Variants in AGAP1 observed in about 807,000 individuals in gnomAD.
AGAP1 encodes the protein ArfGAP with GTPase domain, ankyrin repeat and PH domain 1, also known as arf-GAP with GTPase, ANK repeat and PH domain-containing protein 1.
AGAP1 carries 29 observed loss-of-function variants against 105.3 expected under a neutral mutation model. The ratio of observed to expected loss-of-function variants is 0.28; its 90% CI spans 0.21 to 0.38. The LOEUF is 0.38. Among genes scored for constraint, AGAP1 ranks in the 10% least tolerant of loss-of-function variants. The probability of loss-of-function intolerance (pLI) is 1.00; values close to 1 mark genes in which losing one functional copy is unlikely to be tolerated. For missense variants in AGAP1, 998 were observed against 1,165.1 expected (o/e 0.86, Z 2.09); for synonymous variants, 509 against 485.9 (o/e 1.05, Z -0.63).
chr2:235,935,561 T>C (rs2052948616), intron 12 of AGAP1, among the ~76,000 whole-genome samples: 1 of 152,202 alleles, frequency 6.6e-6, no homozygotes, highest in South Asian at 2.1e-4. Flanking sequence ...CAGATCCTGT[T>C]GTGGTTTAAA....
At chr2:235,785,403 A>G (rs1384087178) in intron 6 of AGAP1, among the ~76,000 whole-genome samples, 1 of 152,206 alleles carries the variant, frequency 6.6e-6, no homozygotes, top group Non-Finnish European at 1.5e-5. Context: ...AAAGAAAACC[A>G]ATTATTGCAC....
chr2:235,696,880 A>G (rs1950024843), intron 1 of AGAP1, among the ~76,000 whole-genome samples: 1 of 152,024 alleles, frequency 6.6e-6, no homozygotes, highest in South Asian at 2.1e-4. Flanking sequence ...GCTACTCGGG[A>G]GGCTGAGGCT....
rs1182600034 is a variant in AGAP1 at position 236,083,101 on chromosome 2, G to C, written c.2114+33820G>C. 1.3e-5 allele frequency among the ~76,000 whole-genome samples: 2 copies of C among 152,096 alleles called. No individual in the cohort carries two copies. Among genetic ancestry groups the C allele is most frequent in the Non-Finnish European group, 2.9e-5 (2 of 68,034 alleles). On this transcript the variant is annotated intron_variant, in intron 16 of 17. Coordinates refer to ENST00000304032, the MANE Select transcript of AGAP1 (RefSeq NM_001037131.3). The surrounding 1 kb of genome is among the most constrained non-coding windows in gnomAD (Gnocchi z 5.3). The stretch of plus-strand genomic sequence containing the variant: ...ACCTGGGAGGCATAGGTTGCAGTGA[G>C]CCGAGATCACGCCATTGCACTCCAG...
chr2:235,851,310 A>C (rs1163082001), intron 9 of AGAP1, among the ~76,000 whole-genome samples: 1 of 152,144 alleles, frequency 6.6e-6, no homozygotes, highest in Non-Finnish European at 1.5e-5. Flanking sequence ...GCTCCACTAC[A>C]GACATGGGGT....
At chr2:235,589,542 T>C (rs1945260880) in intron 1 of AGAP1, among the ~76,000 whole-genome samples, 1 of 152,054 alleles carries the variant, frequency 6.6e-6, no homozygotes, top group South Asian at 2.1e-4. Flanking sequence ...GAATTTCCCA[T>C]CCAACCGAAC....
At chr2:235,597,076 C>G (rs974307400) in intron 1 of AGAP1, among the ~76,000 whole-genome samples, 5 of 152,146 alleles carry the variant, frequency 3.3e-5, no homozygotes, top group African/African-American at 4.8e-5. Context: ...CAGCCCCAGC[C>G]GACTCATCAC....
rs138989237 is a variant in AGAP1, at chr2:236,106,650, G to A, written c.2115-13542G>A. Among the ~76,000 whole-genome samples the A allele has an allele frequency of 1.6e-3, 247 of 152,328 alleles. 2 individuals carry two copies. The highest frequency in any genetic ancestry group is 5.8e-3 in the African/African-American group (241 of 41,574). ...TCCCATGAATGCATTTGGAGAAGGT[G>A]GCTGGAGTCACGCACAGCCAGCTGG... On this transcript the variant is annotated intron_variant, in intron 16 of 17. Transcript: ENST00000304032.
intron 6 of AGAP1, among the ~76,000 whole-genome samples, chr2:235,763,035 G>GGTGT (rs145122803): frequency 3.6e-4 from 51 of 140,076 alleles, no homozygotes; most frequent in African/African-American, 1.1e-3. Context: ...TTAAGGCTCG[G>GGTGT]GTGTGTGTGT....
chr2:235,819,139 G>T (rs1418641594), intron 9 of AGAP1, among the ~76,000 whole-genome samples: 2 of 147,944 alleles, frequency 1.4e-5, no homozygotes, highest in African/African-American at 5.0e-5. Context: ...TTTGGAGACA[G>T]AGTCTACTCT....
rs974886003 is a variant in AGAP1, at chr2:235,494,627, C to T, written c.-60C>T. 2.5e-5 allele frequency: 24 copies of T among 942,616 alleles called. No individual in the cohort carries two copies. The highest frequency in any genetic ancestry group is 2.9e-5 in the Non-Finnish European group (23 of 795,980). 58.4% of individuals were successfully genotyped at this position (942,616 alleles called of 1,614,324 possible). A position where few individuals can be genotyped will look rare whatever the true frequency, so the allele number is the denominator to read the frequency against. ...CGCCCCGGGCTCGGCGGCCCGCGGG[C>T]CCCGGGGCGCGGGGCGGCGGCGGCG... On this transcript the variant is annotated 5_prime_UTR_variant, in exon 1 of 18. Transcript: ENST00000304032.
intron 1 of AGAP1, among the ~76,000 whole-genome samples, chr2:235,696,618 C>T (rs1950009990): frequency 6.6e-6 from 1 of 152,204 alleles, no homozygotes; most frequent in Non-Finnish European, 1.5e-5. Context: ...CTGAGCATTA[C>T]AACCTGATGG....
chr2:235,579,516 C>G (rs1049559407), intron 1 of AGAP1, among the ~76,000 whole-genome samples: 1 of 152,128 alleles, frequency 6.6e-6, no homozygotes, highest in African/African-American at 2.4e-5. Flanking sequence ...TGGCTCACAC[C>G]TGTAATCCCA....
At position 235,659,924 on chromosome 2, in the gene AGAP1, G is replaced by A. The variant is rs945456750; in HGVS notation, c.164-49255G>A. ...CACAATGGGCCTGGCATGGGCCCAG[G>A]CTGGTGGGGTGGGCAGGGAAGGAAC... On this transcript the variant is annotated intron_variant, in intron 1 of 17. Coordinates refer to ENST00000304032, the MANE Select transcript of AGAP1 (RefSeq NM_001037131.3). The surrounding 1 kb of genome is among the most constrained non-coding windows in gnomAD (Gnocchi z 5.0). Among the ~76,000 whole-genome samples, 3 of 152,192 alleles carry A rather than the reference G, an allele frequency of 2.0e-5. No individual in the cohort carries two copies. Among genetic ancestry groups the A allele is most frequent in the African/African-American group, 7.2e-5 (3 of 41,460 alleles).
At chr2:235,886,407 T>C (rs1473903623) in intron 10 of AGAP1, among the ~76,000 whole-genome samples, 3 of 152,394 alleles carry the variant, frequency 2.0e-5, no homozygotes, top group African/African-American at 4.8e-5. Flanking sequence ...AACAACGATA[T>C]GTATCAGAAG....
intron 12 of AGAP1, among the ~76,000 whole-genome samples, chr2:235,950,351 A>G (rs2053679769): frequency 6.6e-6 from 1 of 151,718 alleles, no homozygotes; most frequent in South Asian, 2.1e-4. Flanking sequence ...AGACCTGGCC[A>G]TGGCTGTGCC....
At chr2:235,819,131 T>G (rs1396921116) in intron 9 of AGAP1, among the ~76,000 whole-genome samples, 1 of 149,060 alleles carries the variant, frequency 6.7e-6, no homozygotes, top group African/African-American at 2.5e-5. Context: ...TTTTTTTTTT[T>G]GGAGACAGAG....
At chr2:236,108,766 T>C (rs917460191) in intron 16 of AGAP1, among the ~76,000 whole-genome samples, 3 of 152,048 alleles carry the variant, frequency 2.0e-5, no homozygotes, top group Non-Finnish European at 4.4e-5. Context: ...AAGAGACTGC[T>C]TTACAGCCCC....
intron 1 of AGAP1, among the ~76,000 whole-genome samples, chr2:235,554,424 T>G (rs561900705): frequency 1.9e-4 from 29 of 152,326 alleles, no homozygotes; most frequent in African/African-American, 6.5e-4. Context: ...GGGCATTGAT[T>G]TCCTGGGAAG....
In AGAP1 at chr2:235,962,459, G is replaced by A. The variant is rs1179335935; in HGVS notation, c.1484-6003G>A. 1.3e-5 allele frequency among the ~76,000 whole-genome samples: 2 copies of A among 152,170 alleles called. No homozygotes were observed. Among genetic ancestry groups the A allele is most frequent in the East Asian group, 1.9e-4 (1 of 5,168 alleles). On this transcript the variant is annotated intron_variant, in intron 12 of 17. Coordinates refer to ENST00000304032, the MANE Select transcript of AGAP1 (RefSeq NM_001037131.3). The surrounding 1 kb of genome is among the most constrained non-coding windows in gnomAD (Gnocchi z 5.3). The stretch of plus-strand genomic sequence containing the variant: ...AAAAACCGTGGGATGTGAGCGGGTT[G>A]GACGTCAGATGGCATGGAACTCAGG...
Sources: allele counts gnomAD v4.1 joint callset (sites outside exome capture counted in the v4.1 genomes callset), GRCh38; gene constraint gnomAD v4.1.1; non-coding constraint Gnocchi (gnomAD v3.1); transcripts MANE v1.5; gene names NCBI Gene and HGNC (gene_info 2026-07-23, HGNC 2026-07-21).